The following CENPH variants were observed in gnomAD, a reference collection of about 807,000 sequenced individuals.
CENPH encodes CENP-H.
A neutral mutation model predicts 42.9 loss-of-function variants in CENPH; 40 were observed. The ratio of observed to expected loss-of-function variants is 0.93; its 90% CI spans 0.72 to 1.21. The LOEUF is 1.21. Ranked by LOEUF, CENPH falls within the 50% of genes most tolerant of loss-of-function variation. CENPH has a pLI of 0.00. For missense variants in CENPH, 302 were observed against 292.9 expected (o/e 1.03, Z -0.23); for synonymous variants, 88 against 96.5 (o/e 0.91, Z 0.52).
In CENPH at chr5:69,191,800, G is replaced by C; in HGVS notation, c.140G>C (p.Arg47Thr). 3 of 1,551,486 alleles carry C rather than the reference G, an allele frequency of 1.9e-6. No homozygotes were observed. Among genetic ancestry groups the C allele is most frequent in the Non-Finnish European group, 2.7e-6 (3 of 1,123,850 alleles). Reference sequence around the variant, plus strand: ...TTCTCTTTATCTGTTTTCAGGCTGAGAGCACAGACAAAACAACAACTCTTA... The same window carrying C: ...TTCTCTTTATCTGTTTTCAGGCTGACAGCACAGACAAAACAACAACTCTTA... Reference protein sequence around the residue: ...EDRMTLLLRLRAQTKQQLLEY... With the variant: ...EDRMTLLLRLTAQTKQQLLEY... The change falls in exon 2 of 9, where the codon AGA becomes ACA. Residue 47 changes from arginine (R) to threonine (T), a missense_variant. Arg to Thr is a moderately conservative substitution (Grantham distance 71, BLOSUM62 -1). Transcript: ENST00000283006.
At chr5:69,203,009 C>T (rs1333426265) in intron 7 of CENPH, 39 bp downstream of exon 7, 2 of 1,405,254 alleles carry the variant, frequency 1.4e-6, no homozygotes, top group Admixed American at 1.9e-5. Context: ...ACACATTTTG[C>T]TTACTTTATA....
chr5:69,197,663 G>A (rs895200843), intron 5 of CENPH, among the ~76,000 whole-genome samples: 2 of 152,042 alleles, frequency 1.3e-5, no homozygotes, highest in Admixed American at 6.6e-5. Flanking sequence ...GGGGTTGGGG[G>A]AGTGGGGAGG....
intron 5 of CENPH, among the ~76,000 whole-genome samples, chr5:69,200,457 T>C (rs1264535669): frequency 6.6e-6 from 1 of 152,226 alleles, no homozygotes; most frequent in Non-Finnish European, 1.5e-5. Context: ...CTTATAATCC[T>C]GTGCTGCCAG....
At chr5:69,203,991 T>C (rs116626616) in intron 7 of CENPH, among the ~76,000 whole-genome samples, 2 of 121,862 alleles carry the variant, frequency 1.6e-5, no homozygotes, top group Non-Finnish European at 1.7e-5. Context: ...TATATATATA[T>C]ATAGAGAGAG....
At position 69,191,777 on chromosome 5, in the gene CENPH, C is replaced by T. The variant is rs886930607; in HGVS notation, c.135-18C>T. ...ATCAATAAATATGTGACTTTATATT[C>T]TCTTTATCTGTTTTCAGGCTGAGAG... On this transcript the variant is annotated intron_variant, in intron 1 of 8. Coordinates refer to ENST00000283006, the MANE Select transcript of CENPH (RefSeq NM_022909.4). 6.8e-7 allele frequency: 1 copy of T among 1,471,108 alleles called. No individual in the cohort carries two copies. The highest frequency in any genetic ancestry group is 2.3e-5 in the East Asian group (1 of 43,952). 91.1% of individuals were successfully genotyped at this position (1,471,108 alleles called of 1,614,324 possible).
chr5:69,199,329 C>T (rs1748017960), intron 5 of CENPH, among the ~76,000 whole-genome samples: 1 of 152,096 alleles, frequency 6.6e-6, no homozygotes, highest in African/African-American at 2.4e-5. Context: ...TGCCCACCAC[C>T]GTGCCTGGCT....
Position 69,189,753 on chromosome 5 carries a change from T to A in CENPH, c.119T>A (p.Met40Lys). ...CAGGCGGCGTGCAGCGAGGACCGCA[T>A]GACCCTGCTCCTCAGGTTGTTCCCT... ...GAQAACSEDR[M>K]TLLLRLRAQT... The change falls in exon 1 of 9, where the codon ATG becomes AAG. Residue 40 changes from methionine (M) to lysine (K), a missense_variant. By Grantham distance (95) the Met-to-Lys change is moderately conservative (BLOSUM62 -1). Coordinates refer to ENST00000283006, the MANE Select transcript of CENPH (RefSeq NM_022909.4). The A allele has an allele frequency of 3.9e-6, 6 of 1,531,256 alleles. No homozygotes were observed. Among genetic ancestry groups the A allele is most frequent in the Non-Finnish European group, 5.3e-6 (6 of 1,142,700 alleles). 94.9% of individuals were successfully genotyped at this position (1,531,256 alleles called of 1,614,324 possible). A position where few individuals can be genotyped will look rare whatever the true frequency, so the allele number is the denominator to read the frequency against.
At chr5:69,200,734 T>TTTTTTTTTTTTTTTTTTTC (rs1748045642) in intron 5 of CENPH, among the ~76,000 whole-genome samples, 1 of 102,172 alleles carries the variant, frequency 9.8e-6, no homozygotes, top group Non-Finnish European at 2.1e-5. Flanking sequence ...TTTTTTTTTT[T>TTTTTTTTTTTTTTTTTTTC]TTTTTTTTTT....
At position 69,197,911 on chromosome 5, in the gene CENPH, A is replaced by ATTT. The variant is rs756442564; in HGVS notation, c.371+803_371+804insTTT. On this transcript the variant is annotated intron_variant, in intron 5 of 8. Transcript: ENST00000283006. ...TCTGGCCTCAGAGGTCTTACCTATG[A>ATTT]TCTTTTTTTTTTTTTTTTTTTTTTT... 1.3e-4 allele frequency among the ~76,000 whole-genome samples: 15 copies of ATTT among 111,598 alleles called. 2 individuals carry two copies. Among genetic ancestry groups the ATTT allele is most frequent in the Middle Eastern group, 9.1e-3 (2 of 220 alleles). 73.2% of individuals were successfully genotyped at this position (111,598 alleles called of 152,430 possible). A position where few individuals can be genotyped will look rare whatever the true frequency, so the allele number is the denominator to read the frequency against.
chr5:69,189,760 G>A lies in CENPH; in HGVS notation c.126G>A (p.Leu42=). 6.6e-7 allele frequency: 1 copy of A among 1,513,212 alleles called. No individual in the cohort carries two copies. Among genetic ancestry groups the A allele is most frequent in the Admixed American group, 2.2e-5 (1 of 45,852 alleles). 93.7% of individuals were successfully genotyped at this position (1,513,212 alleles called of 1,614,324 possible). ...CGTGCAGCGAGGACCGCATGACCCT[G>A]CTCCTCAGGTTGTTCCCTTTGGCCT... The part of the protein sequence containing the change: ...QAACSEDRMT[L]LLRLRAQTKQ... The change falls in exon 1 of 9, where the codon CTG becomes CTA. Residue 42 remains leucine (L), a synonymous_variant. Transcript: ENST00000283006.
chr5:69,197,911 ATCTTTTTTTTTTTT>A (rs1747991754), intron 5 of CENPH, among the ~76,000 whole-genome samples: 1 of 111,598 alleles, frequency 9.0e-6, no homozygotes, highest in Non-Finnish European at 1.8e-5. Flanking sequence ...CTTACCTATG[ATCTTTTTTTTTTTT>A]TTTTTTTTTT....
intron 2 of CENPH, among the ~76,000 whole-genome samples, chr5:69,193,675 T>C (rs906190905): frequency 7.3e-5 from 11 of 151,622 alleles, no homozygotes; most frequent in African/African-American, 2.7e-4. Context: ...TTTTTTTTTT[T>C]TTTTGAGACG....
chr5:69,194,973 T>A (rs1747940552), intron 3 of CENPH, among the ~76,000 whole-genome samples: 1 of 151,608 alleles, frequency 6.6e-6, no homozygotes. Context: ...CTCATGCCTG[T>A]AATCCCAGCA....
In CENPH at chr5:69,189,809, T is replaced by C. The variant is rs1274483585; in HGVS notation, c.134+41T>C. ...CTCCTCAGCCGGGGCCAAGTGGGCGTTGTGGCCCGGAACTCCGCCCTTGCT... is the reference window on the plus strand; with the variant it reads ...CTCCTCAGCCGGGGCCAAGTGGGCGCTGTGGCCCGGAACTCCGCCCTTGCT... On this transcript the variant is annotated intron_variant, in intron 1 of 8. Coordinates refer to ENST00000283006, the MANE Select transcript of CENPH (RefSeq NM_022909.4). 8 of 1,418,486 alleles carry C rather than the reference T, an allele frequency of 5.6e-6. No individual in the cohort carries two copies. The South Asian group carries it at 1.2e-4, about 21-fold the overall frequency. The allele number at this position is 1,418,486 out of a possible 1,614,324, so 87.9% of individuals were successfully genotyped here.
intron 7 of CENPH, among the ~76,000 whole-genome samples, chr5:69,207,094 T>C (rs1232554796): frequency 6.6e-6 from 1 of 152,184 alleles, no homozygotes; most frequent in Non-Finnish European, 1.5e-5. Flanking sequence ...GCCCCTGAAA[T>C]ACATCCATTT....
At position 69,201,462 on chromosome 5, in the gene CENPH, A is replaced by G. The variant is rs527859997; in HGVS notation, c.372-1044A>G. On this transcript the variant is annotated intron_variant, in intron 5 of 8. Coordinates refer to ENST00000283006, the MANE Select transcript of CENPH (RefSeq NM_022909.4). ...TAGTTCTTGAAAGCATGTAGTAAGT[A>G]CTCAAAAATATTTGTTAAAGAAGTA... Among the ~76,000 whole-genome samples the G allele has an allele frequency of 1.7e-4, 26 of 152,332 alleles. No individual in the cohort carries two copies. In the South Asian group the frequency reaches 5.4e-3, roughly 32 times the overall value.
At chr5:69,196,039 A>G (rs1156586218) in intron 4 of CENPH, among the ~76,000 whole-genome samples, 1 of 152,178 alleles carries the variant, frequency 6.6e-6, no homozygotes, top group Non-Finnish European at 1.5e-5. Flanking sequence ...CCCAAGCTCA[A>G]GCAATCCTCC....
intron 2 of CENPH, among the ~76,000 whole-genome samples, chr5:69,194,108 G>T (rs955543526): frequency 2.6e-5 from 4 of 151,874 alleles, no homozygotes. Flanking sequence ...GCTTTTTTCT[G>T]TACCATTGAG....
chr5:69,195,219 C>T (rs765351891), intron 3 of CENPH, among the ~76,000 whole-genome samples: 4 of 152,080 alleles, frequency 2.6e-5, no homozygotes, highest in Non-Finnish European at 5.9e-5. Context: ...ATGAGCGAAA[C>T]TCCGCCTCAA....
Sources: gnomAD v4.1 joint callset for allele counts (sites outside exome capture counted in the v4.1 genomes callset) on GRCh38, gnomAD v4.1.1 for gene constraint, MANE v1.5 for transcripts, NCBI Gene and HGNC (gene_info 2026-07-23, HGNC 2026-07-21) for gene names.